TTLL12: variants seen among roughly 807,000 people sequenced by gnomAD.
TTLL12 encodes the protein tubulin--tyrosine ligase-like protein 12.
A neutral mutation model predicts 79.6 loss-of-function variants in TTLL12; 77 were observed. The observed-to-expected ratio is 0.97, with a 90% CI of 0.81 to 1.17. The LOEUF (loss-of-function observed/expected upper bound fraction) is 1.17. Ranked by LOEUF, TTLL12 falls within the 50% of genes most tolerant of loss-of-function variation. The pLI, the probability that TTLL12 is intolerant of heterozygous loss-of-function variation, is 0.00. For synonymous variants in TTLL12, 437 were observed against 376.1 expected, an observed-to-expected ratio of 1.16 and a Z score of -1.87; for missense variants, 969 against 895.9, an observed-to-expected ratio of 1.08 and a Z score of -1.04.
At position 43,174,733 on chromosome 22, in the gene TTLL12, G is replaced by A. The variant is rs941929043; in HGVS notation, c.918-118C>T. On this transcript the variant is annotated intron_variant, in intron 6 of 13. Coordinates refer to ENST00000216129, the MANE Select transcript of TTLL12 (RefSeq NM_015140.4). The stretch of plus-strand genomic sequence containing the variant: ...TTTGAAGCTAATGAGGCAGAGGCAA[G>A]TCCTGGGTTCGAGTCATGATGCTGG... The A allele has an allele frequency of 6.7e-6, 5 of 750,516 alleles. No individual in the cohort carries two copies. The African/African-American group carries it at 8.8e-5, about 13-fold the overall frequency. The allele number at this position is 750,516 out of a possible 1,614,324, so 46.5% of individuals were successfully genotyped here.
At chr22:43,178,921 G>C (rs528523781) in intron 5 of TTLL12, among the ~76,000 whole-genome samples, 1 of 152,204 alleles carries the variant, frequency 6.6e-6, no homozygotes, top group Non-Finnish European at 1.5e-5. Flanking sequence ...TTGTAGGCTG[G>C]TTCCAGCCTA....
chr22:43,185,963 GCA>G, intron 1 of TTLL12: 2 of 985,426 alleles, frequency 2.0e-6, no homozygotes, highest in Non-Finnish European at 2.4e-6. Context: ...GCCACTCACT[GCA>G]CGTTTCCAGC....
chr22:43,185,277 A>G (rs933507218), intron 1 of TTLL12, among the ~76,000 whole-genome samples: 7 of 68,006 alleles, frequency 1.0e-4, no homozygotes, highest in South Asian at 7.3e-4. Flanking sequence ...ATATATATAT[A>G]TATATATATA....
rs562420804 is a variant in TTLL12, at chr22:43,169,111, C to T, written c.1645-199G>A. ...CTGACGCCCACCTTCTGCAAATCTG[C>T]CCATCTCCTGCCGCAGACCCCGTTG... On this transcript the variant is annotated intron_variant, in intron 12 of 13. Coordinates refer to ENST00000216129, the MANE Select transcript of TTLL12 (RefSeq NM_015140.4). 2.0e-5 allele frequency among the ~76,000 whole-genome samples: 3 copies of T among 152,354 alleles called. No homozygotes were observed. The East Asian group carries it at 5.8e-4, about 29-fold the overall frequency.
intron 11 of TTLL12, chr22:43,170,028 C>T (rs1931725143): frequency 2.7e-6 from 1 of 371,486 alleles, no homozygotes; most frequent in South Asian, 2.0e-5. Context: ...TTGAGGGATG[C>T]AAGATCTTTC....
At chr22:43,168,248 G>T in intron 13 of TTLL12, 89 bp from the exon 14 acceptor site, 9 of 1,534,190 alleles carry the variant, frequency 5.9e-6, no homozygotes, top group Non-Finnish European at 7.1e-6. Context: ...AAGGCTGGGA[G>T]GCCATGAACC....
Position 43,167,861 on chromosome 22 carries a change from G to A in TTLL12, c.*147C>T. On this transcript the variant is annotated 3_prime_UTR_variant, in exon 14 of 14. Transcript: ENST00000216129. Reference sequence around the variant, plus strand: ...GCTGTGCTCCCGGAGTGTGGCGCCGGGAGGATGGCTCGGCAGGACAGAGGC... The same window carrying A: ...GCTGTGCTCCCGGAGTGTGGCGCCGAGAGGATGGCTCGGCAGGACAGAGGC... 2 of 1,013,786 alleles carry A rather than the reference G, an allele frequency of 2.0e-6. No homozygotes were observed. The highest frequency in any genetic ancestry group is 1.6e-5 in the South Asian group (1 of 64,190). 62.8% of individuals were successfully genotyped at this position (1,013,786 alleles called of 1,614,324 possible). A position where few individuals can be genotyped will look rare whatever the true frequency, so the allele number is the denominator to read the frequency against.
chr22:43,179,893 C>A lies in TTLL12; in HGVS notation c.654G>T (p.Pro218=). 6.2e-7 allele frequency: 1 copy of A among 1,610,594 alleles called. No individual in the cohort carries two copies. The highest frequency in any genetic ancestry group is 2.2e-5 in the East Asian group (1 of 44,868). The part of the protein sequence containing the change: ...SFATAPFFYM[P]QQVAYTLLWP... ...ACAGCAGCGTGTAGGCCACCTGCTG[C>A]GGCATGTAGAAGAAGGGTGCCGTGG... Residue 218 remains proline (P), a synonymous_variant, in exon 4 of 14, where the codon CCG becomes CCT. Transcript: ENST00000216129.
At chr22:43,186,601 A>C (rs1232340495) in intron 1 of TTLL12, among the ~76,000 whole-genome samples, 1 of 152,052 alleles carries the variant, frequency 6.6e-6, no homozygotes, top group Non-Finnish European at 1.5e-5. Context: ...GGGGGTGATG[A>C]GTTTCACTCC....
chr22:43,183,085 T>C lies in TTLL12; in HGVS notation c.242A>G (p.Glu81Gly). Residue 81 changes from glutamate (E) to glycine (G), a missense_variant, in exon 2 of 14, where the codon GAG becomes GGG. Coordinates refer to ENST00000216129, the MANE Select transcript of TTLL12 (RefSeq NM_015140.4). ...CTGCTTCCGCACCTCCCGGGCTGCC[T>C]CGTCCTCCTCCTCTTCTACCTCCTC... ...QVEEVEEEEDEAAREVRKQQP... is the reference protein window; with the variant it reads ...QVEEVEEEEDGAAREVRKQQP... The C allele has an allele frequency of 6.2e-7, 1 of 1,614,034 alleles. No individual in the cohort carries two copies. Among genetic ancestry groups the C allele is most frequent in the South Asian group, 1.1e-5 (1 of 91,086 alleles).
At chr22:43,185,179 G>T (rs1046453977) in intron 1 of TTLL12, among the ~76,000 whole-genome samples, 1 of 150,014 alleles carries the variant, frequency 6.7e-6, no homozygotes, top group African/African-American at 2.5e-5. Context: ...AGTGAGCCGA[G>T]ATCATGCCAC....
chr22:43,176,349 G>A lies in TTLL12; in HGVS notation c.888C>T (p.Pro296=), dbSNP rs146526164. The stretch of plus-strand genomic sequence containing the variant: ...AGATGTGGCCGTGGGGGTGCACCAC[G>A]GGGTTGATGTCAAGTGGCAGCTTCT... The part of the protein sequence containing the change: ...NKEKLPLDIN[P]VVHPHGHIFK... The change falls in exon 6 of 14, where the codon CCC becomes CCT. Residue 296 remains proline, a synonymous_variant. Coordinates refer to ENST00000216129, the MANE Select transcript of TTLL12 (RefSeq NM_015140.4). The A allele has an allele frequency of 5.3e-4, 846 of 1,604,386 alleles. 2 individuals carry two copies. The highest frequency in any genetic ancestry group is 6.3e-4 in the Non-Finnish European group (745 of 1,176,692).
chr22:43,177,217 TAATTA>T (rs762420749), intron 5 of TTLL12, among the ~76,000 whole-genome samples: 2 of 151,212 alleles, frequency 1.3e-5, no homozygotes, highest in African/African-American at 4.9e-5. Context: ...AAAAGTTGAA[TAATTA>T]GCGGGGCTTG....
At chr22:43,172,293 G>T in intron 10 of TTLL12, 110 bp downstream of exon 10, 4 of 1,350,994 alleles carry the variant, frequency 3.0e-6, no homozygotes, top group East Asian at 2.4e-5. Flanking sequence ...AGTGATGGAG[G>T]GTGCCTTCCA....
rs762956 is a variant in TTLL12, at chr22:43,182,410, G to A, written c.347+570C>T. Among the ~76,000 whole-genome samples, 201 of 152,342 alleles carry A rather than the reference G, an allele frequency of 1.3e-3. 2 individuals carry two copies. Among genetic ancestry groups the A allele is most frequent in the African/African-American group, 4.6e-3 (193 of 41,570 alleles). On this transcript the variant is annotated intron_variant, in intron 2 of 13. Coordinates refer to ENST00000216129, the MANE Select transcript of TTLL12 (RefSeq NM_015140.4). ...CAAAGAGCTGTGCGTGGACACAGGG[G>A]CCCAGCAAGTTTCTCTGAGGGTCCA...
chr22:43,172,244 C>T (rs1931784371), intron 10 of TTLL12, among the ~76,000 whole-genome samples, 159 bp downstream of exon 10: 1 of 152,230 alleles, frequency 6.6e-6, no homozygotes, highest in Admixed American at 6.5e-5. Context: ...CGCCAATTAA[C>T]ACCAAGGGAG....
At chr22:43,180,127 C>T (rs896730999) in intron 3 of TTLL12, 127 bp from the exon 4 acceptor site, 1 of 1,162,012 alleles carries the variant, frequency 8.6e-7, no homozygotes, top group South Asian at 1.5e-5. Flanking sequence ...CTCACATGTA[C>T]CCCAGGCCCT....
At chr22:43,168,276 G>C in intron 13 of TTLL12, 117 bp from the exon 14 acceptor site, 1 of 1,413,636 alleles carries the variant, frequency 7.1e-7, no homozygotes, top group Non-Finnish European at 9.5e-7. Context: ...TGATTCCCAG[G>C]GGATGAGCAG....
chr22:43,186,188 C>CA (rs1277993492), intron 1 of TTLL12, among the ~76,000 whole-genome samples: 1 of 95,300 alleles, frequency 1.0e-5, no homozygotes, highest in African/African-American at 4.2e-5. Context: ...CTAAAGAAAA[C>CA]ACCCCCCCCC....
Sources: gnomAD v4.1 joint callset for allele counts (sites outside exome capture counted in the v4.1 genomes callset) on GRCh38, gnomAD v4.1.1 for gene constraint, MANE v1.5 for transcripts, NCBI Gene and HGNC (gene_info 2026-07-23, HGNC 2026-07-21) for gene names.